The following CIZ1 variants were observed in gnomAD, a reference collection of about 807,000 sequenced individuals.
The protein encoded by CIZ1 is CDKN1A interacting zinc finger protein 1, also known as cip1-interacting zinc finger protein.
Under a neutral mutation model 118.6 loss-of-function variants are expected in CIZ1, and 58 were observed. The observed-to-expected ratio is 0.49, with a 90% CI of 0.40 to 0.61. CIZ1 has a LOEUF of 0.61. Among genes scored for constraint, CIZ1 ranks in the 20% least tolerant of loss-of-function variants. CIZ1 has a pLI of 0.00. For synonymous variants in CIZ1, 448 were observed against 443.4 expected (o/e 1.01, Z -0.13); for missense variants, 921 against 1,115.9 (o/e 0.83, Z 2.49).
chr9:128,191,585 G>T (rs1282807031), upstream of CIZ1: 40 of 1,149,768 alleles, frequency 3.5e-5, no homozygotes, highest in Non-Finnish European at 4.3e-5. This position sits in a 1 kb window ranked among gnomAD's most constrained non-coding sequence, Gnocchi z 5.5. Context: ...CCAAATGCGG[G>T]CGGGGCCGGC....
intron 5 of CIZ1, among the ~76,000 whole-genome samples, chr9:128,182,304 G>A (rs989688313): frequency 6.6e-6 from 1 of 152,134 alleles, no homozygotes; most frequent in East Asian, 1.9e-4. Flanking sequence ...ACACTCTCTC[G>A]TCGCCGCACA....
Position 128,180,465 on chromosome 9 carries a change from A to T in CIZ1, c.741T>A (p.Pro247=), listed in dbSNP as rs760585831. The T allele has an allele frequency of 6.2e-7, 1 of 1,614,010 alleles. No individual in the cohort carries two copies. The highest frequency in any genetic ancestry group is 2.2e-5 in the East Asian group (1 of 44,892). Reference sequence around the variant, plus strand: ...CGGACGCCTCACAAGGCTCAGGCTCAGGTGCTGGAGTGCGTTTTTCCTTGG... The same window carrying T: ...CGGACGCCTCACAAGGCTCAGGCTCTGGTGCTGGAGTGCGTTTTTCCTTGG... The part of the protein sequence containing the change: ...DIAKEKRTPA[P]EPEPCEASEL... Residue 247 remains proline, a synonymous_variant, in exon 7 of 17, where the codon CCT becomes CCA. Coordinates refer to ENST00000372938, the MANE Select transcript of CIZ1 (RefSeq NM_001131016.2).
At chr9:128,170,241 C>A in intron 11 of CIZ1, 134 bp from the exon 12 acceptor site, 1 of 767,512 alleles carries the variant, frequency 1.3e-6, no homozygotes. Context: ...CAAAATGGTT[C>A]TGAGGTTCAT....
intron 11 of CIZ1, among the ~76,000 whole-genome samples, chr9:128,175,908 T>C (rs1265436605): frequency 3.3e-5 from 5 of 152,008 alleles, no homozygotes; most frequent in African/African-American, 1.2e-4. Context: ...CACCCCAGTA[T>C]AGTTCCAGAC....
At position 128,166,576 on chromosome 9, in the gene CIZ1, G is replaced by C; in HGVS notation, c.2488-170C>G. Reference sequence around the variant, plus strand: ...TCTGGAGCTAACAGCCTGGCACTCAGCATCCCCTTGAACAATAAGAGCCCA... The same window carrying C: ...TCTGGAGCTAACAGCCTGGCACTCACCATCCCCTTGAACAATAAGAGCCCA... On this transcript the variant is annotated intron_variant, in intron 16 of 16. Coordinates refer to ENST00000372938, the MANE Select transcript of CIZ1 (RefSeq NM_001131016.2). The surrounding 1 kb of genome is among the most constrained non-coding windows in gnomAD (Gnocchi z 4.4). The C allele has an allele frequency of 1.1e-6, 1 of 942,390 alleles. No individual in the cohort carries two copies. Among genetic ancestry groups the C allele is most frequent in the Non-Finnish European group, 1.6e-6 (1 of 632,250 alleles). 58.4% of individuals were successfully genotyped at this position (942,390 alleles called of 1,614,324 possible).
chr9:128,191,712 G>C (rs1833181663), upstream of CIZ1: 2 of 1,311,422 alleles, frequency 1.5e-6, no homozygotes, highest in Non-Finnish European at 1.9e-6. This position sits in a 1 kb window ranked among gnomAD's most constrained non-coding sequence, Gnocchi z 5.5. Flanking sequence ...AGGTGCGAGG[G>C]GGTCCTGGGC....
Position 128,191,316 on chromosome 9 carries a change from C to G in CIZ1, c.-6+116G>C. On this transcript the variant is annotated intron_variant, in intron 1 of 16. Transcript: ENST00000372938. The surrounding 1 kb of genome is among the most constrained non-coding windows in gnomAD (Gnocchi z 5.5). ...GCTCCGTGGGACGGCTTCTCTCCAC[C>G]ACCGCCACCTCCTCGCGCCCCACTC... The G allele has an allele frequency of 3.5e-6, 1 of 285,436 alleles. No individual in the cohort carries two copies. Among genetic ancestry groups the G allele is most frequent in the Non-Finnish European group, 5.4e-6 (1 of 185,358 alleles). The allele number at this position is 285,436 out of a possible 1,614,324, so 17.7% of individuals were successfully genotyped here. A position where few individuals can be genotyped will look rare whatever the true frequency, so the allele number is the denominator to read the frequency against.
Position 128,178,725 on chromosome 9 carries a change from T to C in CIZ1, c.1482A>G (p.Ala494=). 1.2e-6 allele frequency: 2 copies of C among 1,613,428 alleles called. No homozygotes were observed. The highest frequency in any genetic ancestry group is 1.7e-6 in the Non-Finnish European group (2 of 1,179,622). ...CTCACTTACCTCCACCAGCTTCTACTGCATCAGGTGGCATCTCCAGCCCGC... is the reference window on the plus strand; with the variant it reads ...CTCACTTACCTCCACCAGCTTCTACCGCATCAGGTGGCATCTCCAGCCCGC... The part of the protein sequence containing the change: ...HVCGLEMPPD[A]VEAGGGMEKT... Residue 494 remains alanine (A), a synonymous_variant, in exon 8 of 17, where the codon GCA becomes GCG. Coordinates refer to ENST00000372938, the MANE Select transcript of CIZ1 (RefSeq NM_001131016.2).
intron 5 of CIZ1, among the ~76,000 whole-genome samples, chr9:128,182,255 C>A (rs1031283701): frequency 6.6e-6 from 1 of 152,174 alleles, no homozygotes; most frequent in Non-Finnish European, 1.5e-5. Context: ...CCGGGCCCAG[C>A]TGCCTTTTCT....
intron 5 of CIZ1, among the ~76,000 whole-genome samples, chr9:128,183,589 G>A (rs1027550964): frequency 6.6e-6 from 1 of 152,212 alleles, no homozygotes; most frequent in Non-Finnish European, 1.5e-5. Flanking sequence ...CTAGGGAGGG[G>A]GTGAGCCCTT....
intron 5 of CIZ1, among the ~76,000 whole-genome samples, chr9:128,182,065 C>T (rs990046121): frequency 2.0e-5 from 3 of 152,196 alleles, no homozygotes; most frequent in Non-Finnish European, 4.4e-5. Flanking sequence ...CTCTCTGCCT[C>T]GGCTGCCAGG....
In CIZ1 at chr9:128,203,331, G is replaced by A. The variant is rs1373268457; in HGVS notation, c.-6+855C>T. 4 of 734,254 alleles carry A rather than the reference G, an allele frequency of 5.4e-6. No homozygotes were observed. In the East Asian group the frequency reaches 1.5e-4, roughly 28 times the overall value. 45.5% of individuals were successfully genotyped at this position (734,254 alleles called of 1,614,324 possible). A position where few individuals can be genotyped will look rare whatever the true frequency, so the allele number is the denominator to read the frequency against. On this transcript the variant is annotated intron_variant, in intron 1 of 17. Transcript: ENST00000372948. The surrounding 1 kb of genome is among the most constrained non-coding windows in gnomAD (Gnocchi z 5.3). The stretch of plus-strand genomic sequence containing the variant: ...GGGCTCCCCCTAGCGGCGTCCGGGA[G>A]CGGTGCTCGCTCCGATCCCCGAGGG...
Position 128,176,445 on chromosome 9 carries a change from G to T in CIZ1, c.1849C>A (p.His617Asn), listed in dbSNP as rs754502234. 6.8e-6 allele frequency: 11 copies of T among 1,613,630 alleles called. No individual in the cohort carries two copies. Residue 617 changes from histidine to asparagine, a missense_variant, in exon 11 of 17, where the codon CAC becomes AAC. His to Asn is a moderately conservative substitution (Grantham distance 68). Transcript: ENST00000372938. Reference protein sequence around the residue: ...EFQDHMSEPQHQQRLGEIQHM... With the variant: ...EFQDHMSEPQNQQRLGEIQHM... ...TGGATCTCCCCTAGCCGCTGCTGGTGCTGAGGCTCCGACATGTGGTCCTGG... is the reference window on the plus strand; with the variant it reads ...TGGATCTCCCCTAGCCGCTGCTGGTTCTGAGGCTCCGACATGTGGTCCTGG...
At chr9:128,173,883 G>A (rs1191488181) in intron 11 of CIZ1, among the ~76,000 whole-genome samples, 2 of 152,132 alleles carry the variant, frequency 1.3e-5, no homozygotes, top group African/African-American at 4.8e-5. Context: ...GTAGGCGCCT[G>A]TAGTCCCAGC....
At chr9:128,175,009 T>G (rs964088951) in intron 11 of CIZ1, among the ~76,000 whole-genome samples, 1 of 152,172 alleles carries the variant, frequency 6.6e-6, no homozygotes, top group African/African-American at 2.4e-5. Flanking sequence ...GAAGACTTCA[T>G]GGAGAGATAA....
chr9:128,166,372 G>A lies in CIZ1; in HGVS notation c.2522C>T (p.Thr841Ile). 6.4e-7 allele frequency: 1 copy of A among 1,557,248 alleles called. No individual in the cohort carries two copies. Among genetic ancestry groups the A allele is most frequent in the East Asian group, 2.4e-5 (1 of 41,760 alleles). Reference sequence around the variant, plus strand: ...TGCGCACCGGCGGCTCACAGGTCGGGTGGTGGGGCTGGGGTTCTTGGCCGC... The same window carrying A: ...TGCGCACCGGCGGCTCACAGGTCGGATGGTGGGGCTGGGGTTCTTGGCCGC... The part of the protein sequence containing the change: ...YKAAKNPSPT[T>I]RPVSRRCAIN... The change falls in exon 17 of 17, where the codon ACC becomes ATC. Residue 841 changes from threonine (T) to isoleucine (I), a missense_variant. Physicochemically the swap from Thr to Ile is moderately conservative, Grantham distance 89. Transcript: ENST00000372938. The surrounding 1 kb of genome is among the most constrained non-coding windows in gnomAD (Gnocchi z 4.4).
upstream of CIZ1, among the ~76,000 whole-genome samples, chr9:128,194,885 A>G (rs558311824): frequency 6.7e-4 from 102 of 152,212 alleles, no homozygotes; most frequent in African/African-American, 2.3e-3. Flanking sequence ...TGGCACGATC[A>G]TAGCTCACTG....
In CIZ1 at chr9:128,179,034, C is replaced by T; in HGVS notation, c.1173G>A (p.Val391=). The T allele has an allele frequency of 6.2e-7, 1 of 1,612,812 alleles. No individual in the cohort carries two copies. The highest frequency in any genetic ancestry group is 1.1e-5 in the South Asian group (1 of 91,024). ...GCGGCTCTGCCTCCTGCTGCAGCTG[C>T]ACCTGCCTTGGGCCCTGTGAATGTG... ...PQAHSQGPRQ[V]QLQQEAEPLK... is the part of the protein sequence containing the mutation. Residue 391 remains valine, a synonymous_variant, in exon 8 of 17, where the codon GTG becomes GTA. Transcript: ENST00000372938.
intron 11 of CIZ1, among the ~76,000 whole-genome samples, chr9:128,172,199 A>G (rs1244787353): frequency 1.3e-5 from 2 of 150,914 alleles, no homozygotes; most frequent in African/African-American, 4.9e-5. Flanking sequence ...AGCCAAATAC[A>G]TGTAAAACCC....
Sources: allele counts gnomAD v4.1 joint callset (sites outside exome capture counted in the v4.1 genomes callset), GRCh38; gene constraint gnomAD v4.1.1; non-coding constraint Gnocchi (gnomAD v3.1); transcripts MANE v1.5; gene names NCBI Gene and HGNC (gene_info 2026-07-23, HGNC 2026-07-21).